Variants in GFOD1 observed in about 807,000 individuals in gnomAD.
GFOD1 encodes glucose-fructose oxidoreductase domain-containing protein 1.
Under a neutral mutation model 25.4 loss-of-function variants are expected in GFOD1, and 9 were observed. The observed-to-expected ratio is 0.35, with a 90% confidence interval of 0.21 to 0.62. The LOEUF is 0.62. Ranked by LOEUF, GFOD1 falls within the 20% of genes least tolerant of loss-of-function variation. GFOD1 has a pLI of 0.72. For synonymous variants in GFOD1, 253 were observed against 245.6 expected (o/e 1.03, Z -0.28); for missense variants, 403 against 556.9 (o/e 0.72, Z 2.78).
intron 1 of GFOD1, among the ~76,000 whole-genome samples, chr6:13,425,405 A>T (rs1284903704): frequency 6.6e-6 from 1 of 152,130 alleles, no homozygotes; most frequent in Non-Finnish European, 1.5e-5. Context: ...ACTTAAATCC[A>T]AGCAGTCTGG....
At chr6:13,399,377 A>G (rs1388547323) in intron 1 of GFOD1, among the ~76,000 whole-genome samples, 1 of 152,148 alleles carries the variant, frequency 6.6e-6, no homozygotes, top group Non-Finnish European at 1.5e-5. Flanking sequence ...ACTCCTAGAA[A>G]TTTACCAAAG....
chr6:13,463,812 A>G (rs1758333715), intron 1 of GFOD1, among the ~76,000 whole-genome samples: 1 of 152,190 alleles, frequency 6.6e-6, no homozygotes, highest in Non-Finnish European at 1.5e-5. Flanking sequence ...GGTACACTAT[A>G]TACACTAATT....
At chr6:13,385,413 T>C (rs1015973509) in intron 1 of GFOD1, among the ~76,000 whole-genome samples, 15 of 152,154 alleles carry the variant, frequency 9.9e-5, no homozygotes, top group African/African-American at 3.4e-4. Context: ...TAAATAGTTA[T>C]GGTGGGAGCC....
chr6:13,423,814 C>A (rs1428398370), intron 1 of GFOD1, among the ~76,000 whole-genome samples: 1 of 152,208 alleles, frequency 6.6e-6, no homozygotes, highest in Non-Finnish European at 1.5e-5. Flanking sequence ...CCGCCCGAAG[C>A]AAGAGCATCC....
At chr6:13,429,133 T>C (rs1222591142) in intron 1 of GFOD1, among the ~76,000 whole-genome samples, 1 of 152,088 alleles carries the variant, frequency 6.6e-6, no homozygotes, top group Non-Finnish European at 1.5e-5. Context: ...GAAATCAAGA[T>C]GGGTGGGAAG....
intron 1 of GFOD1, among the ~76,000 whole-genome samples, chr6:13,450,751 C>T (rs1758082387): frequency 6.6e-6 from 1 of 152,160 alleles, no homozygotes; most frequent in Non-Finnish European, 1.5e-5. Context: ...AAGCAGTGTT[C>T]AGTATAAATC....
intron 1 of GFOD1, among the ~76,000 whole-genome samples, chr6:13,429,369 G>A (rs1209701785): frequency 6.6e-6 from 1 of 152,214 alleles, no homozygotes; most frequent in Non-Finnish European, 1.5e-5. Context: ...CAACCAGGAT[G>A]CTCTGCCAGC....
intron 1 of GFOD1, among the ~76,000 whole-genome samples, chr6:13,419,804 A>G (rs1786223206): frequency 6.6e-6 from 1 of 152,042 alleles, no homozygotes; most frequent in Admixed American, 6.5e-5. Flanking sequence ...CTGTCCGTAA[A>G]TGTTCATGTC....
Position 13,486,786 on chromosome 6 carries a change from C to A in GFOD1, c.105G>T (p.Thr35=), listed in dbSNP as rs762246817. ...TGGCCAGCTCCTCCGCTTCTTCCTG[C>A]GTGCGGCCCCACAGCGCCTTCACCG... ...GFAVKALWGR[T]QEEAEELAKE... is the part of the protein sequence containing the mutation. Residue 35 remains threonine, a synonymous_variant, in exon 1 of 2, where the codon ACG becomes ACT. Transcript: ENST00000379287. 2 of 1,614,006 alleles carry A rather than the reference C, an allele frequency of 1.2e-6. No homozygotes were observed. The highest frequency in any genetic ancestry group is 1.7e-6 in the Non-Finnish European group (2 of 1,180,018).
At chr6:13,424,105 G>A (rs1187093514) in intron 1 of GFOD1, among the ~76,000 whole-genome samples, 1 of 152,136 alleles carries the variant, frequency 6.6e-6, no homozygotes, top group African/African-American at 2.4e-5. Context: ...TGATCCACCC[G>A]CCTCAGCCTC....
At chr6:13,366,701 T>C (rs892160253) in intron 1 of GFOD1, among the ~76,000 whole-genome samples, 6 of 152,158 alleles carry the variant, frequency 3.9e-5, no homozygotes, top group African/African-American at 1.4e-4. Flanking sequence ...CCTTATATTG[T>C]TCAGGCCGGT....
intron 1 of GFOD1, among the ~76,000 whole-genome samples, chr6:13,438,584 T>C (rs778120299): frequency 1.3e-5 from 2 of 152,024 alleles, no homozygotes; most frequent in Non-Finnish European, 2.9e-5. Context: ...TAATATATAT[T>C]CATCTACACT....
At chr6:13,373,998 T>C (rs761287856) in intron 1 of GFOD1, among the ~76,000 whole-genome samples, 1 of 152,156 alleles carries the variant, frequency 6.6e-6, no homozygotes. Flanking sequence ...ATAGCACAAA[T>C]GGTACAATTT....
At chr6:13,479,897 C>T (rs554466900) in intron 1 of GFOD1, among the ~76,000 whole-genome samples, 2 of 152,198 alleles carry the variant, frequency 1.3e-5, no homozygotes, top group Non-Finnish European at 2.9e-5. Context: ...CACATAGATC[C>T]AGAAGAGACC....
chr6:13,390,731 AAAAGAAAG>A lies in GFOD1; in HGVS notation c.254-25077_254-25070del, dbSNP rs1355243324. ...ACAGTGAGACCCTGTGAAAAAAAAA[AAAAGAAAG>A]AAAGACAGGAAGAGAGAGAGAAAGA... On this transcript the variant is annotated intron_variant, in intron 1 of 1. Transcript: ENST00000379287. 1.8e-3 allele frequency among the ~76,000 whole-genome samples: 246 copies of A among 140,004 alleles called. 4 individuals are homozygous for A. Among genetic ancestry groups the A allele is most frequent in the African/African-American group, 6.8e-3 (231 of 34,128 alleles). 91.8% of individuals were successfully genotyped at this position (140,004 alleles called of 152,430 possible).
intron 1 of GFOD1, among the ~76,000 whole-genome samples, chr6:13,476,430 G>A (rs1329802005): frequency 6.6e-6 from 1 of 152,218 alleles, no homozygotes; most frequent in Non-Finnish European, 1.5e-5. Flanking sequence ...TAGTTACCTG[G>A]AGCCAGAAGT....
At chr6:13,463,716 A>T (rs1183493818) in intron 1 of GFOD1, among the ~76,000 whole-genome samples, 1 of 152,194 alleles carries the variant, frequency 6.6e-6, no homozygotes, top group Non-Finnish European at 1.5e-5. Context: ...CATAAACCTT[A>T]TGTTTATTTT....
At chr6:13,447,837 G>GTTATA (rs1206526072) in intron 1 of GFOD1, among the ~76,000 whole-genome samples, 1 of 149,672 alleles carries the variant, frequency 6.7e-6, no homozygotes, top group Non-Finnish European at 1.5e-5. Flanking sequence ...AGAGAACAGA[G>GTTATA]TTATAAAGCC....
At chr6:13,449,173 C>A (rs1372451574) in intron 1 of GFOD1, among the ~76,000 whole-genome samples, 1 of 152,146 alleles carries the variant, frequency 6.6e-6, no homozygotes, top group East Asian at 1.9e-4. Flanking sequence ...TGCCTACAGT[C>A]CCAGCTACTT....
Sources: allele counts gnomAD v4.1 joint callset (sites outside exome capture counted in the v4.1 genomes callset), GRCh38; gene constraint gnomAD v4.1.1; transcripts MANE v1.5; gene names NCBI Gene and HGNC (gene_info 2026-07-23, HGNC 2026-07-21).